TERB2: variants seen among roughly 807,000 people sequenced by gnomAD.
The protein encoded by TERB2 is telomere repeat binding bouquet formation protein 2.
Under a neutral mutation model 29.8 loss-of-function variants are expected in TERB2, and 26 were observed. The ratio of observed to expected loss-of-function variants is 0.87; its 90% CI spans 0.64 to 1.21. The LOEUF (loss-of-function observed/expected upper bound fraction) is 1.21, where lower values mean the gene tolerates loss of function less well. Among genes scored for constraint, TERB2 ranks in the 50% most tolerant of loss-of-function variants. The pLI is 0.00. For synonymous variants in TERB2, 80 were observed against 90.8 expected, an observed-to-expected ratio of 0.88 and a Z score of 0.68; for missense variants, 240 against 268.6, an observed-to-expected ratio of 0.89 and a Z score of 0.74.
chr15:44,971,187 T>C (rs1891961989), intron 5 of TERB2: 2 of 152,556 alleles, frequency 1.3e-5, no homozygotes, highest in Admixed American at 1.3e-4. Context: ...CCAGGCTACT[T>C]AGAGCCGCCA....
At chr15:44,975,261 A>G (rs1350283152) in intron 6 of TERB2, among the ~76,000 whole-genome samples, 1 of 152,082 alleles carries the variant, frequency 6.6e-6, no homozygotes, top group Non-Finnish European at 1.5e-5. Context: ...AGAAATCTTC[A>G]TTTTTAGAGA....
chr15:44,978,728 A>G lies in TERB2; in HGVS notation c.*100A>G. On this transcript the variant is annotated 3_prime_UTR_variant, in exon 7 of 7. Coordinates refer to ENST00000340827, the MANE Select transcript of TERB2 (RefSeq NM_152448.3). ...CCTTTTGGTACTGGGGGATAGTGAA[A>G]TGGGAAATAATTTTTCTGTTTCTCA... is the stretch of plus-strand genomic sequence containing the variant. 1 of 1,290,174 alleles carries G rather than the reference A, an allele frequency of 7.8e-7. No homozygotes were observed. Among genetic ancestry groups the G allele is most frequent in the Non-Finnish European group, 1.0e-6 (1 of 997,398 alleles). The allele number at this position is 1,290,174 out of a possible 1,614,324, so 79.9% of individuals were successfully genotyped here.
chr15:44,977,592 T>C (rs757263058), intron 6 of TERB2, among the ~76,000 whole-genome samples: 9 of 152,168 alleles, frequency 5.9e-5, no homozygotes, highest in Non-Finnish European at 1.2e-4. Flanking sequence ...TGACCATGAT[T>C]AAAATATCTT....
At chr15:44,978,219 T>G (rs1027959719) in intron 6 of TERB2, among the ~76,000 whole-genome samples, 1 of 152,172 alleles carries the variant, frequency 6.6e-6, no homozygotes, top group Non-Finnish European at 1.5e-5. Flanking sequence ...AGCCCCAACC[T>G]AGACATCACA....
chr15:44,978,459 A>G (rs529863869), intron 6 of TERB2, 30 bp from the exon 7 acceptor site: 1 of 1,564,218 alleles, frequency 6.4e-7, no homozygotes, highest in South Asian at 1.2e-5. Context: ...GGTTTTAAGT[A>G]TATATCTTTT....
At chr15:44,965,162 CAAAAAAA>C (rs66756472) in intron 4 of TERB2, among the ~76,000 whole-genome samples, 129 of 48,816 alleles carry the variant, frequency 2.6e-3, no homozygotes, top group Middle Eastern at 0.033. Flanking sequence ...GACTCTGTCT[CAAAAAAA>C]AAAAAAAAAA....
At chr15:44,962,537 A>G (rs1209257288) in intron 4 of TERB2, among the ~76,000 whole-genome samples, 2 of 152,072 alleles carry the variant, frequency 1.3e-5, no homozygotes, top group African/African-American at 4.8e-5. Flanking sequence ...GTGAATTCCT[A>G]TGATGCACAG....
At chr15:44,967,095 T>C (rs1427785304) in intron 5 of TERB2, among the ~76,000 whole-genome samples, 2 of 152,140 alleles carry the variant, frequency 1.3e-5, no homozygotes, top group African/African-American at 2.4e-5. Context: ...CAATACTCTG[T>C]CTCAAAGAAA....
intron 4 of TERB2, among the ~76,000 whole-genome samples, chr15:44,965,233 A>G (rs1421935055): frequency 6.7e-6 from 1 of 148,212 alleles, no homozygotes; most frequent in Non-Finnish European, 1.5e-5. Flanking sequence ...TAAAATAAAT[A>G]GATTATATGA....
chr15:44,973,558 G>A (rs957349208), intron 5 of TERB2: 1 of 152,412 alleles, frequency 6.6e-6, no homozygotes, highest in Non-Finnish European at 1.5e-5. Context: ...TACTATATAT[G>A]TGCTCACTTT....
intron 4 of TERB2, among the ~76,000 whole-genome samples, chr15:44,961,925 CT>C (rs1054438492): frequency 2.0e-5 from 3 of 152,122 alleles, no homozygotes; most frequent in Non-Finnish European, 4.4e-5. Context: ...TTCTCGAACT[CT>C]GGCCCTCAAG....
chr15:44,968,561 T>C (rs1470778279), intron 5 of TERB2, among the ~76,000 whole-genome samples: 1 of 150,240 alleles, frequency 6.7e-6, no homozygotes, highest in African/African-American at 2.4e-5. Flanking sequence ...ACTGGCAGCA[T>C]ATGGCATTTC....
intron 5 of TERB2, among the ~76,000 whole-genome samples, chr15:44,967,512 G>T (rs1369580878): frequency 2.0e-5 from 3 of 152,260 alleles, no homozygotes; most frequent in Non-Finnish European, 2.9e-5. Flanking sequence ...TCCACAGTGA[G>T]GGGGTCTGGG....
chr15:44,962,926 A>G (rs1891829537), intron 4 of TERB2: 1 of 152,286 alleles, frequency 6.6e-6, no homozygotes, highest in Non-Finnish European at 1.5e-5. Context: ...GAAGCATTCC[A>G]TACGTGTATA....
intron 6 of TERB2, among the ~76,000 whole-genome samples, 163 bp downstream of exon 6, chr15:44,974,118 G>A (rs1271076881): frequency 6.6e-6 from 1 of 152,180 alleles, no homozygotes; most frequent in East Asian, 1.9e-4. Context: ...ATTACCTGCA[G>A]AATTGACCCA....
At chr15:44,971,035 C>T (rs1891959502) in intron 5 of TERB2, 4 of 177,668 alleles carry the variant, frequency 2.3e-5, no homozygotes, top group Admixed American at 1.9e-4. Flanking sequence ...ATCCTTAAGT[C>T]CTTTTTTGAT....
intron 2 of TERB2, 35 bp from the exon 3 acceptor site, chr15:44,958,338 T>C (rs1317092106): frequency 1.3e-6 from 2 of 1,569,026 alleles, no homozygotes; most frequent in South Asian, 2.4e-5. Flanking sequence ...TCTTGTTTCT[T>C]TCATAACCTA....
At chr15:44,969,300 T>C (rs1474804927) in intron 5 of TERB2, among the ~76,000 whole-genome samples, 5 of 152,070 alleles carry the variant, frequency 3.3e-5, no homozygotes, top group Non-Finnish European at 7.4e-5. Context: ...TAGAAACTTT[T>C]TTTTGCCATG....
intron 4 of TERB2, among the ~76,000 whole-genome samples, chr15:44,963,804 CTTTTTTTTTTTTT>C (rs34438861): frequency 2.5e-5 from 2 of 79,166 alleles, no homozygotes; most frequent in Non-Finnish European, 4.6e-5. Flanking sequence ...TTATACTATT[CTTTTTTTTTTTTT>C]TTTTTTTTTT....
Sources: allele counts gnomAD v4.1 joint callset (sites outside exome capture counted in the v4.1 genomes callset), GRCh38; gene constraint gnomAD v4.1.1; transcripts MANE v1.5; gene names NCBI Gene and HGNC (gene_info 2026-07-23, HGNC 2026-07-21).